Variants in TAOK3 observed in about 807,000 individuals in gnomAD.
TAOK3 encodes serine/threonine-protein kinase TAO3.
Under a neutral mutation model 120.4 loss-of-function variants are expected in TAOK3, and 40 were observed. That is an observed-to-expected ratio of 0.33 (90% CI 0.26 to 0.43). The LOEUF is 0.43. TAOK3 is among the 20% of genes least tolerant of loss of function. TAOK3 has a pLI of 1.00. For missense variants in TAOK3, 821 were observed against 1,112.1 expected (o/e 0.74, Z 3.72); for synonymous variants, 355 against 387.5 (o/e 0.92, Z 0.99).
chr12:118,214,726 C>T (rs2038800126), intron 9 of TAOK3, among the ~76,000 whole-genome samples: 1 of 148,690 alleles, frequency 6.7e-6, no homozygotes, highest in Admixed American at 6.8e-5. Flanking sequence ...TGACATCGTG[C>T]ATGGCTAATT....
chr12:118,284,501 T>A (rs191703215), intron 1 of TAOK3, among the ~76,000 whole-genome samples: 3 of 152,288 alleles, frequency 2.0e-5, no homozygotes, highest in Admixed American at 6.5e-5. Context: ...GATAGGAAGA[T>A]GTTTGTTCTC....
At chr12:118,244,023 T>C (rs1178441244) in intron 4 of TAOK3, among the ~76,000 whole-genome samples, 2 of 152,034 alleles carry the variant, frequency 1.3e-5, no homozygotes. Flanking sequence ...AACACAAATC[T>C]ATCACCAAAT....
intron 19 of TAOK3, among the ~76,000 whole-genome samples, chr12:118,159,249 C>G (rs140793058): frequency 6.6e-6 from 1 of 151,974 alleles, no homozygotes; most frequent in Non-Finnish European, 1.5e-5. Flanking sequence ...TTTCCCTAGA[C>G]GAGCTTAGTT....
intron 9 of TAOK3, among the ~76,000 whole-genome samples, chr12:118,227,650 G>C (rs911765845): frequency 6.6e-6 from 1 of 152,126 alleles, no homozygotes; most frequent in Non-Finnish European, 1.5e-5. Flanking sequence ...GAGAAACTGA[G>C]GATTAGGGAA....
At chr12:118,263,437 A>G (rs967021882) in intron 2 of TAOK3, among the ~76,000 whole-genome samples, 1 of 152,212 alleles carries the variant, frequency 6.6e-6, no homozygotes, top group Admixed American at 6.5e-5. Flanking sequence ...TTAGTTAAAA[A>G]TTTCTTAGTT....
chr12:118,311,813 C>T (rs983010959), intron 1 of TAOK3, among the ~76,000 whole-genome samples: 2 of 152,112 alleles, frequency 1.3e-5, no homozygotes, highest in Non-Finnish European at 2.9e-5. Context: ...AATGAAGTTA[C>T]TGTTATATAA....
intron 3 of TAOK3, 121 bp downstream of exon 3, chr12:118,255,327 G>T: frequency 1.0e-6 from 1 of 995,728 alleles, no homozygotes; most frequent in Non-Finnish European, 1.4e-6. Flanking sequence ...TGCCTAGGCT[G>T]GTCTTTCCTC....
chr12:118,243,556 G>A (rs1327352489), intron 4 of TAOK3, 40 bp from the exon 5 acceptor site: 2 of 858,240 alleles, frequency 2.3e-6, no homozygotes, highest in African/African-American at 3.6e-5. Flanking sequence ...TTTAATTTTT[G>A]ATAGGAAAAT....
At chr12:118,153,821 T>C (rs1247401654) in intron 19 of TAOK3, among the ~76,000 whole-genome samples, 2 of 152,266 alleles carry the variant, frequency 1.3e-5, no homozygotes, top group Non-Finnish European at 2.9e-5. Flanking sequence ...TGAAATGTTA[T>C]ATTAAAATAG....
At chr12:118,266,566 T>C (rs1250274386) in intron 2 of TAOK3, 89 bp downstream of exon 2, 30 of 395,338 alleles carry the variant, frequency 7.6e-5, no homozygotes. Context: ...CCTTTTATTT[T>C]TCTTTCAAAG....
intron 1 of TAOK3, among the ~76,000 whole-genome samples, chr12:118,352,152 G>A (rs1192112985): frequency 4.6e-5 from 7 of 151,538 alleles, no homozygotes; most frequent in East Asian, 2.0e-4. Flanking sequence ...GATTACAGGC[G>A]TGAGCCACCG....
At chr12:118,314,412 C>T (rs2043375078) in intron 1 of TAOK3, among the ~76,000 whole-genome samples, 2 of 152,154 alleles carry the variant, frequency 1.3e-5, no homozygotes, top group South Asian at 2.1e-4. Flanking sequence ...AAAACAATAT[C>T]GTGAATTAAG....
At chr12:118,300,720 T>C (rs2140688498) in intron 1 of TAOK3, among the ~76,000 whole-genome samples, 1 of 152,260 alleles carries the variant, frequency 6.6e-6, no homozygotes, top group Non-Finnish European at 1.5e-5. Context: ...TTCCTTATTC[T>C]TTGCTCACCT....
chr12:118,191,964 C>T (rs708868), intron 13 of TAOK3, among the ~76,000 whole-genome samples: 100,157 of 151,944 alleles, frequency 0.66, 33,250 homozygotes, highest in South Asian at 0.72. Flanking sequence ...GGGGGAGACC[C>T]CAAATACATG....
At chr12:118,320,785 T>C (rs1368367669) in intron 1 of TAOK3, among the ~76,000 whole-genome samples, 2 of 152,190 alleles carry the variant, frequency 1.3e-5, no homozygotes, top group African/African-American at 2.4e-5. Flanking sequence ...GCTGAATATT[T>C]TAGAGTCAGA....
At chr12:118,314,628 T>A (rs1324610509) in intron 1 of TAOK3, among the ~76,000 whole-genome samples, 1 of 152,188 alleles carries the variant, frequency 6.6e-6, no homozygotes, top group Non-Finnish European at 1.5e-5. Flanking sequence ...GGAAAAGACT[T>A]CAGAGATCAT....
rs369994818 is a variant in TAOK3 at position 118,213,047 on chromosome 12, C to A, written c.738-52G>T. ...ATAAACTCAGGGTCTGTAGAGCACA[C>A]TGATTACTTAAAACAATTTTCATTC... is the stretch of plus-strand genomic sequence containing the variant. On this transcript the variant is annotated intron_variant, in intron 10 of 20. Coordinates refer to ENST00000392533, the MANE Select transcript of TAOK3 (RefSeq NM_016281.4). 7 of 1,188,068 alleles carry A rather than the reference C, an allele frequency of 5.9e-6. No homozygotes were observed. In the African/African-American group the frequency reaches 7.8e-5, roughly 13 times the overall value. 73.6% of individuals were successfully genotyped at this position (1,188,068 alleles called of 1,614,324 possible). A position where few individuals can be genotyped will look rare whatever the true frequency, so the allele number is the denominator to read the frequency against.
At chr12:118,197,682 CTTTTTTTTTTTTTTT>C (rs67635506) in intron 13 of TAOK3, among the ~76,000 whole-genome samples, 7 of 90,780 alleles carry the variant, frequency 7.7e-5, no homozygotes, top group Non-Finnish European at 1.2e-4. Context: ...GCAAAACCTT[CTTTTTTTTTTTTTTT>C]TTTTTTTTGA....
chr12:118,287,494 A>G (rs1043386498), intron 1 of TAOK3, among the ~76,000 whole-genome samples: 1 of 152,108 alleles, frequency 6.6e-6, no homozygotes, highest in African/African-American at 2.4e-5. Flanking sequence ...CCGATCAAAA[A>G]ACACTTGCCA....
Sources: allele counts gnomAD v4.1 joint callset (sites outside exome capture counted in the v4.1 genomes callset), GRCh38; gene constraint gnomAD v4.1.1; transcripts MANE v1.5; gene names NCBI Gene and HGNC (gene_info 2026-07-23, HGNC 2026-07-21).